Variants in TCF4 observed in about 807,000 individuals in gnomAD.
TCF4 encodes transcription factor 4.
In TCF4, 3 loss-of-function variants were observed where a neutral mutation model predicts 82.1. That is an observed-to-expected ratio of 0.04 (90% CI 0.02 to 0.09). The LOEUF is 0.09. Ranked by LOEUF, TCF4 falls within the 10% of genes least tolerant of loss-of-function variation. TCF4 has a pLI of 1.00. For missense variants in TCF4, 518 were observed against 852.7 expected (o/e 0.61, Z 4.89); for synonymous variants, 276 against 309.6 (o/e 0.89, Z 1.14).
At chr18:55,592,042 ATACT>A (rs973541926), upstream of TCF4, among the ~76,000 whole-genome samples, 1 of 152,162 alleles carries the variant, frequency 6.6e-6, no homozygotes, top group Non-Finnish European at 1.5e-5. Context: ...CAGAGAATAA[ATACT>A]TATTCTGTCA....
chr18:55,587,458 T>TTTGG (rs2097661286), intron 1 of TCF4, among the ~76,000 whole-genome samples: 13 of 134,602 alleles, frequency 9.7e-5, no homozygotes, highest in Admixed American at 8.6e-4. Flanking sequence ...AAAAAGCCGC[T>TTTGG]CTTCAGCGCA....
Position 55,225,983 on chromosome 18 carries a change from C to T in TCF4, c.*2052G>A, listed in dbSNP as rs760654419. ...GAACATAAAATTCTGATTCTTGTAG[C>T]TATTTCATTTAAATGAGACTTCTTT... On this transcript the variant is annotated 3_prime_UTR_variant, in exon 20 of 20. Transcript: ENST00000354452. 13 of 152,108 alleles carry T rather than the reference C, an allele frequency of 8.5e-5. No individual in the cohort carries two copies. Among genetic ancestry groups the T allele is most frequent in the Non-Finnish European group, 2.9e-5 (2 of 67,938 alleles). 9.4% of individuals were successfully genotyped at this position (152,108 alleles called of 1,614,324 possible). A position where few individuals can be genotyped will look rare whatever the true frequency, so the allele number is the denominator to read the frequency against.
upstream of TCF4, among the ~76,000 whole-genome samples, chr18:55,593,077 A>T (rs544105581): frequency 8.7e-4 from 132 of 152,270 alleles, no homozygotes; most frequent in Admixed American, 2.1e-3. Context: ...TGTCATTAAC[A>T]TTTTTTTCTA....
intron 2 of TCF4, among the ~76,000 whole-genome samples, chr18:55,586,755 G>T (rs1419264915): frequency 6.6e-6 from 1 of 151,730 alleles, no homozygotes; most frequent in Non-Finnish European, 1.5e-5. Context: ...AGTTTTAGGG[G>T]TGTCTATTTT....
intron 8 of TCF4, among the ~76,000 whole-genome samples, chr18:55,313,680 C>A (rs1377611754): frequency 1.3e-5 from 2 of 152,056 alleles, no homozygotes; most frequent in Non-Finnish European, 2.9e-5. Flanking sequence ...ATTATAATAA[C>A]AAACAATTAT....
At chr18:55,346,652 T>C (rs956885196) in intron 8 of TCF4, among the ~76,000 whole-genome samples, 1 of 152,132 alleles carries the variant, frequency 6.6e-6, no homozygotes, top group African/African-American at 2.4e-5. Context: ...GGATTACAAG[T>C]GGAGACAAAT....
chr18:55,403,742 C>T, intron 5 of TCF4: 1 of 1,536,198 alleles, frequency 6.5e-7, no homozygotes. Context: ...CTGCTCCACA[C>T]TTCCAAAAAC....
chr18:55,347,050 G>A (rs950318189), intron 8 of TCF4, among the ~76,000 whole-genome samples: 7 of 152,108 alleles, frequency 4.6e-5, no homozygotes, highest in African/African-American at 1.7e-4. Flanking sequence ...AAAATATTGA[G>A]TTTAAGATGA....
chr18:55,533,407 G>A (rs2097087435), intron 3 of TCF4, among the ~76,000 whole-genome samples: 1 of 152,142 alleles, frequency 6.6e-6, no homozygotes, highest in Admixed American at 6.5e-5. Flanking sequence ...AAAGCCCAGA[G>A]GAAGTCAGTC....
At chr18:55,537,184 TAC>T (rs945715493) in intron 3 of TCF4, among the ~76,000 whole-genome samples, 1 of 151,368 alleles carries the variant, frequency 6.6e-6, no homozygotes, top group Non-Finnish European at 1.5e-5. Flanking sequence ...GGAAAGGCTT[TAC>T]AAAAAAGCCA....
intron 8 of TCF4, among the ~76,000 whole-genome samples, chr18:55,346,975 T>C (rs2081310394): frequency 6.6e-6 from 1 of 152,184 alleles, no homozygotes; most frequent in African/African-American, 2.4e-5. Flanking sequence ...TATGAATTCA[T>C]GATTCAATGT....
chr18:55,527,002 C>T (rs1189061481), intron 3 of TCF4, among the ~76,000 whole-genome samples: 5 of 152,096 alleles, frequency 3.3e-5, no homozygotes, highest in Non-Finnish European at 5.9e-5. Context: ...CCCAGGGAGT[C>T]TGGACAGATA....
At chr18:55,409,149 A>G (rs2094230303) in intron 5 of TCF4, among the ~76,000 whole-genome samples, 1 of 152,178 alleles carries the variant, frequency 6.6e-6, no homozygotes. Flanking sequence ...AGATGTACAG[A>G]AGAGTAAAAG....
At chr18:55,358,506 A>G (rs1194186574) in intron 6 of TCF4, among the ~76,000 whole-genome samples, 1 of 152,238 alleles carries the variant, frequency 6.6e-6, no homozygotes. Context: ...AACAAGGCAG[A>G]TGCTACAAAC....
intron 8 of TCF4, among the ~76,000 whole-genome samples, chr18:55,301,213 G>GA (rs999721316): frequency 1.3e-5 from 2 of 151,870 alleles, no homozygotes; most frequent in African/African-American, 2.4e-5. Flanking sequence ...TCTCACAGCA[G>GA]AAAAAAAAGT....
chr18:55,629,750 A>G (rs1368760883), intron 2 of TCF4, among the ~76,000 whole-genome samples: 1 of 152,096 alleles, frequency 6.6e-6, no homozygotes, highest in Non-Finnish European at 1.5e-5. Context: ...AGTGAAATCT[A>G]TCTAAAAACT....
intron 6 of TCF4, among the ~76,000 whole-genome samples, chr18:55,353,586 T>G (rs778820772): frequency 2.0e-5 from 3 of 152,106 alleles, no homozygotes; most frequent in Non-Finnish European, 4.4e-5. Context: ...TTAGGGAAAA[T>G]GAAGATAAAA....
At chr18:55,501,445 A>C (rs948063304) in intron 3 of TCF4, among the ~76,000 whole-genome samples, 1 of 152,210 alleles carries the variant, frequency 6.6e-6, no homozygotes, top group African/African-American at 2.4e-5. Context: ...TGACATCTCA[A>C]ATTTTTCATA....
chr18:55,476,183 A>T (rs1002178128), intron 3 of TCF4, among the ~76,000 whole-genome samples: 7 of 152,188 alleles, frequency 4.6e-5, no homozygotes. Flanking sequence ...ACAAAAAAAA[A>T]AATTGGAAAC....
Sources: allele counts gnomAD v4.1 joint callset (sites outside exome capture counted in the v4.1 genomes callset), GRCh38; gene constraint gnomAD v4.1.1; transcripts MANE v1.5; gene names NCBI Gene and HGNC (gene_info 2026-07-23, HGNC 2026-07-21).